ATP2B2: variants seen among roughly 807,000 people sequenced by gnomAD.
The protein encoded by ATP2B2 is plasma membrane calcium-transporting ATPase 2.
A neutral mutation model predicts 120.0 loss-of-function variants in ATP2B2; 15 were observed. The observed-to-expected ratio is 0.12, with a 90% CI of 0.08 to 0.19. ATP2B2 has a LOEUF of 0.19. Ranked by LOEUF, ATP2B2 falls within the 10% of genes least tolerant of loss-of-function variation. The pLI, the probability that ATP2B2 is intolerant of heterozygous loss-of-function variation, is 1.00. For synonymous variants in ATP2B2, 694 were observed against 700.3 expected, an observed-to-expected ratio of 0.99 and a Z score of 0.14; for missense variants, 1,045 against 1,719.8, an observed-to-expected ratio of 0.61 and a Z score of 6.94.
At chr3:10,450,620 GC>G (rs1162887885) in intron 1 of ATP2B2, among the ~76,000 whole-genome samples, 1 of 152,198 alleles carries the variant, frequency 6.6e-6, no homozygotes, top group Non-Finnish European at 1.5e-5. Context: ...ATGTCATTGA[GC>G]CCAGAGCTTG....
In ATP2B2 at chr3:10,375,744, C is replaced by T. The variant is rs917681689; in HGVS notation, c.1202-100G>A. 4 of 1,011,438 alleles carry T rather than the reference C, an allele frequency of 4.0e-6. No individual in the cohort carries two copies. Among genetic ancestry groups the T allele is most frequent in the Non-Finnish European group, 6.1e-6 (4 of 656,424 alleles). The allele number at this position is 1,011,438 out of a possible 1,614,324, so 62.7% of individuals were successfully genotyped here. ...CTGAAAGAGCTCCGGGTCAGGCTGA[C>T]CCCAGCTCACCTCCCAGCTCTGCCA... On this transcript the variant is annotated intron_variant, in intron 10 of 22. Coordinates refer to ENST00000360273, the MANE Select transcript of ATP2B2 (RefSeq NM_001001331.4). The surrounding 1 kb of genome is among the most constrained non-coding windows in gnomAD (Gnocchi z 4.2).
intron 2 of ATP2B2, among the ~76,000 whole-genome samples, chr3:10,594,461 G>T (rs565208165): frequency 6.6e-6 from 1 of 150,784 alleles, no homozygotes; most frequent in South Asian, 2.1e-4. Flanking sequence ...GCAAACTATC[G>T]CAAGGACAAA....
Position 10,410,569 on chromosome 3 carries a change from G to A in ATP2B2, c.397+49C>T, listed in dbSNP as rs758887099. 1.8e-5 allele frequency: 27 copies of A among 1,538,990 alleles called. No homozygotes were observed. The Admixed American group carries it at 3.6e-4, about 20-fold the overall frequency. On this transcript the variant is annotated intron_variant, in intron 3 of 22. Transcript: ENST00000360273. ...GCCGTGAGTGCCCCCCAGCGTGGAT[G>A]CGGTGGCCAGGTGTGCGGGGCGGTT...
intron 2 of ATP2B2, among the ~76,000 whole-genome samples, chr3:10,588,169 T>C (rs571658867): frequency 6.6e-6 from 1 of 152,334 alleles, no homozygotes; most frequent in Non-Finnish European, 1.5e-5. Context: ...GCAGTTGACA[T>C]TTAGGGCTAG....
intron 1 of ATP2B2, among the ~76,000 whole-genome samples, chr3:10,455,571 C>T (rs2064224103): frequency 6.6e-6 from 1 of 152,262 alleles, no homozygotes; most frequent in Non-Finnish European, 1.5e-5. Flanking sequence ...TGAGTCCCCC[C>T]TGCTCCCCTC....
rs762544425 is a variant in ATP2B2 at position 10,625,407 on chromosome 3, C to G, written c.-459-5446G>C. Among the ~76,000 whole-genome samples the G allele has an allele frequency of 3.2e-4, 49 of 152,092 alleles. 1 individual carries two copies. Among genetic ancestry groups the G allele is most frequent in the South Asian group, 1.0e-3 (5 of 4,820 alleles). On this transcript the variant is annotated intron_variant, in intron 1 of 21. Coordinates refer to the ATP2B2 transcript ENST00000646379. ...CTTGCAGCTGCAGGGGAGATAAGAACGGGTCAGGGCCTTCTCTGAGTGATG... is the reference window on the plus strand; with the variant it reads ...CTTGCAGCTGCAGGGGAGATAAGAAGGGGTCAGGGCCTTCTCTGAGTGATG...
intron 1 of ATP2B2, among the ~76,000 whole-genome samples, chr3:10,485,296 G>A (rs2065598890): frequency 6.6e-6 from 1 of 152,224 alleles, no homozygotes; most frequent in Non-Finnish European, 1.5e-5. Flanking sequence ...TTACAGCTGT[G>A]GAAACTGAGG....
In ATP2B2 at chr3:10,601,326, G is replaced by A. The variant is rs903085291; in HGVS notation, c.-415+18591C>T. Among the ~76,000 whole-genome samples, 36 of 152,248 alleles carry A rather than the reference G, an allele frequency of 2.4e-4. 1 individual carries two copies. Among genetic ancestry groups the A allele is most frequent in the African/African-American group, 4.8e-4 (20 of 41,552 alleles). On this transcript the variant is annotated intron_variant, in intron 2 of 21. Coordinates refer to the ATP2B2 transcript ENST00000646379. ...GAGTCCTGGGCCCATAATAAGGGGGGCAGCCACTGGCTGGTCCCTGGGACA... is the reference window on the plus strand; with the variant it reads ...GAGTCCTGGGCCCATAATAAGGGGGACAGCCACTGGCTGGTCCCTGGGACA...
At position 10,375,354 on chromosome 3, in the gene ATP2B2, A is replaced by C. The variant is rs948491437; in HGVS notation, c.1416+76T>G. 7.5e-7 allele frequency: 1 copy of C among 1,337,086 alleles called. No individual in the cohort carries two copies. Among genetic ancestry groups the C allele is most frequent in the Admixed American group, 1.7e-5 (1 of 58,836 alleles). The allele number at this position is 1,337,086 out of a possible 1,614,324, so 82.8% of individuals were successfully genotyped here. A position where few individuals can be genotyped will look rare whatever the true frequency, so the allele number is the denominator to read the frequency against. On this transcript the variant is annotated intron_variant, in intron 11 of 22. Coordinates refer to ENST00000360273, the MANE Select transcript of ATP2B2 (RefSeq NM_001001331.4). This position sits in a 1 kb window ranked among gnomAD's most constrained non-coding sequence, Gnocchi z 4.2. ...TCTTCGTTCATCTCCCAACCCCAGC[A>C]CCAGCCCCAGTGATTCCCCCAGGCC...
At position 10,360,205 on chromosome 3, in the gene ATP2B2, G is replaced by T. The variant is rs986523546; in HGVS notation, c.1660-82C>A. The T allele has an allele frequency of 8.0e-6, 12 of 1,507,300 alleles. No homozygotes were observed. In the African/African-American group the frequency reaches 1.5e-4, roughly 19 times the overall value. 93.4% of individuals were successfully genotyped at this position (1,507,300 alleles called of 1,614,324 possible). The stretch of plus-strand genomic sequence containing the variant: ...GCCCTGGCTGCCACTGAGGCTCTGG[G>T]ACTGCCACTTAGGTGGTCTCTGGGC... On this transcript the variant is annotated intron_variant, in intron 12 of 22. Transcript: ENST00000360273.
chr3:10,439,077 G>T lies in ATP2B2; in HGVS notation c.199+10268C>A, dbSNP rs560832973. Among the ~76,000 whole-genome samples the T allele has an allele frequency of 3.3e-5, 5 of 152,348 alleles. No individual in the cohort carries two copies. In the East Asian group the frequency reaches 9.7e-4, roughly 29 times the overall value. Reference sequence around the variant, plus strand: ...CAAGGCCTGGGGCAAAGGGCCAAGGGCCAAGGGCACTGCCCTGGCCTGGGC... The same window carrying T: ...CAAGGCCTGGGGCAAAGGGCCAAGGTCCAAGGGCACTGCCCTGGCCTGGGC... On this transcript the variant is annotated intron_variant, in intron 2 of 22. Transcript: ENST00000360273.
In ATP2B2 at chr3:10,690,186, G is replaced by A. The variant is rs544880601; in HGVS notation, c.-460+17729C>T. ...AGCCACAGCTACAACTTTGTTCTCC[G>A]TCCAGGCTTGACATAGGGGGGGACA... On this transcript the variant is annotated intron_variant, in intron 1 of 21. Transcript: ENST00000646379. Among the ~76,000 whole-genome samples the A allele has an allele frequency of 7.9e-5, 12 of 152,302 alleles. No individual in the cohort carries two copies. The East Asian group carries it at 1.2e-3, about 15-fold the overall frequency.
intron 1 of ATP2B2, among the ~76,000 whole-genome samples, chr3:10,679,148 G>A (rs2071319349): frequency 6.6e-6 from 1 of 152,126 alleles, no homozygotes; most frequent in Non-Finnish European, 1.5e-5. Flanking sequence ...TGGTAGATGA[G>A]ACACCAGCCA....
intron 1 of ATP2B2, among the ~76,000 whole-genome samples, chr3:10,691,181 C>T (rs1003934008): frequency 6.6e-6 from 1 of 152,186 alleles, no homozygotes; most frequent in African/African-American, 2.4e-5. Flanking sequence ...CTAGAAGGTT[C>T]CTTAGTTTCT....
chr3:10,452,976 T>C (rs888758064), intron 1 of ATP2B2, among the ~76,000 whole-genome samples: 1 of 152,232 alleles, frequency 6.6e-6, no homozygotes, highest in Non-Finnish European at 1.5e-5. Flanking sequence ...GCTAGTCACC[T>C]GGATTCTCTG....
chr3:10,587,755 GT>G (rs1283504259), intron 2 of ATP2B2, among the ~76,000 whole-genome samples: 2 of 151,270 alleles, frequency 1.3e-5, no homozygotes, highest in South Asian at 2.1e-4. Context: ...TTTTTTGTTT[GT>G]TTGTTTGTTT....
intron 14 of ATP2B2, among the ~76,000 whole-genome samples, chr3:10,353,881 A>G (rs2060642540): frequency 6.6e-6 from 1 of 152,204 alleles, no homozygotes; most frequent in Admixed American, 6.5e-5. Context: ...AAATGGGTAC[A>G]ATAGTATCCA....
intron 3 of ATP2B2, among the ~76,000 whole-genome samples, chr3:10,403,178 A>G (rs1274985887): frequency 4.6e-5 from 7 of 152,162 alleles, no homozygotes; most frequent in African/African-American, 9.7e-5. Flanking sequence ...GGACTCAGGG[A>G]GAGGAAGGTG....
intron 2 of ATP2B2, among the ~76,000 whole-genome samples, chr3:10,431,579 T>C (rs1388613323): frequency 6.6e-6 from 1 of 152,208 alleles, no homozygotes; most frequent in Non-Finnish European, 1.5e-5. Flanking sequence ...TGGATGCCTA[T>C]ACTTGCTTTT....
Sources: allele counts gnomAD v4.1 joint callset (sites outside exome capture counted in the v4.1 genomes callset), GRCh38; gene constraint gnomAD v4.1.1; non-coding constraint Gnocchi (gnomAD v3.1); transcripts MANE v1.5; gene names NCBI Gene and HGNC (gene_info 2026-07-23, HGNC 2026-07-21).